The following EXOSC10 variants were observed in gnomAD, a reference collection of about 807,000 sequenced individuals.
The protein encoded by EXOSC10 is exosome complex component 10.
A neutral mutation model predicts 126.6 loss-of-function variants in EXOSC10; 94 were observed. The observed-to-expected ratio is 0.74, with a 90% CI of 0.63 to 0.88. The LOEUF (loss-of-function observed/expected upper bound fraction) is 0.88, where lower values mean the gene tolerates loss of function less well. Among genes scored for constraint, EXOSC10 ranks in the 40% least tolerant of loss-of-function variants. The pLI is 0.00. For synonymous variants in EXOSC10, 395 were observed against 400.8 expected (o/e 0.99, Z 0.17); for missense variants, 1,041 against 1,100.5 (o/e 0.95, Z 0.77).
At chr1:11,077,742 A>G in intron 14 of EXOSC10, 91 bp from the exon 15 acceptor site, 2 of 1,123,468 alleles carry the variant, frequency 1.8e-6, no homozygotes, top group Non-Finnish European at 2.6e-6. Context: ...TTCCTTCACC[A>G]GCCTGTTTCT....
Position 11,076,934 on chromosome 1 carries a change from G to A in EXOSC10, c.1894C>T (p.Gln632Ter). 1 of 1,613,550 alleles carries A rather than the reference G, an allele frequency of 6.2e-7. No homozygotes were observed. Among genetic ancestry groups the A allele is most frequent in the Non-Finnish European group, 8.5e-7 (1 of 1,179,766 alleles). Residue 632 changes from glutamine (Q) to a stop codon, truncating the protein, a stop_gained, in exon 17 of 25, where the codon CAG becomes TAG. Coordinates refer to ENST00000376936, the MANE Select transcript of EXOSC10 (RefSeq NM_001001998.3). LOFTEE classifies it high-confidence loss of function. The stretch of plus-strand genomic sequence containing the variant: ...TCAGGGAAGAGGCTCGCCTGCTTCT[G>A]AACTGGCACAGATCCTAGAGGAGCA... ...IIPTSGSVPV[Q>*]KQASLFPDEK...
intron 24 of EXOSC10, 46 bp from the exon 25 acceptor site, chr1:11,066,794 G>A (rs760950584): frequency 6.3e-7 from 1 of 1,598,626 alleles, no homozygotes; most frequent in South Asian, 1.1e-5. Flanking sequence ...GGGCTGGTTG[G>A]ATGTTCTCAG....
At chr1:11,096,960 T>A (rs1570866939) in intron 2 of EXOSC10, among the ~76,000 whole-genome samples, 1 of 151,818 alleles carries the variant, frequency 6.6e-6, no homozygotes, top group Non-Finnish European at 1.5e-5. Context: ...ATACCTGTAA[T>A]CCCAACACTA....
intron 9 of EXOSC10, among the ~76,000 whole-genome samples, chr1:11,083,773 C>T (rs1227559134): frequency 6.6e-6 from 1 of 152,092 alleles, no homozygotes; most frequent in Non-Finnish European, 1.5e-5. Flanking sequence ...GCTATCCCTC[C>T]CCCCTTTCCC....
intron 17 of EXOSC10, among the ~76,000 whole-genome samples, chr1:11,074,842 T>A (rs534181893): frequency 6.6e-6 from 1 of 152,310 alleles, no homozygotes; most frequent in South Asian, 2.1e-4. Flanking sequence ...CAGTGAATTC[T>A]CAGCATGTCC....
At chr1:11,074,427 T>C (rs1639699908) in intron 17 of EXOSC10, 101 bp from the exon 18 acceptor site, 2 of 807,750 alleles carry the variant, frequency 2.5e-6, no homozygotes, top group African/African-American at 1.7e-5. Flanking sequence ...TTTTTTTTTT[T>C]CTGGAGACAG....
At chr1:11,097,125 G>A (rs1217108288) in intron 2 of EXOSC10, among the ~76,000 whole-genome samples, 2 of 151,816 alleles carry the variant, frequency 1.3e-5, no homozygotes, top group Non-Finnish European at 2.9e-5. Flanking sequence ...CACAAGAATC[G>A]CTTGATCTTG....
At chr1:11,094,432 T>G (rs1383785846) in intron 3 of EXOSC10, among the ~76,000 whole-genome samples, 1 of 150,996 alleles carries the variant, frequency 6.6e-6, no homozygotes, top group Non-Finnish European at 1.5e-5. Context: ...GTAGCTGGGA[T>G]TACAAGTGCC....
intron 1 of EXOSC10, 34 bp downstream of exon 1, chr1:11,099,687 G>T: frequency 6.4e-7 from 1 of 1,559,994 alleles, no homozygotes; most frequent in South Asian, 1.2e-5. Context: ...GGCCGCGGGC[G>T]ACTCCTGGTA....
rs773103952 is a variant in EXOSC10 at position 11,082,912 on chromosome 1, G to A, written c.1090-34C>T. 1.0e-5 allele frequency: 16 copies of A among 1,541,184 alleles called. No individual in the cohort carries two copies. The South Asian group carries it at 1.8e-4, about 17-fold the overall frequency. Reference sequence around the variant, plus strand: ...AGAACCAAAGTCATGCAGTACACTGGTAGCAGGCCACTCATGCTCAGAAAT... The same window carrying A: ...AGAACCAAAGTCATGCAGTACACTGATAGCAGGCCACTCATGCTCAGAAAT... On this transcript the variant is annotated intron_variant, in intron 9 of 24. Transcript: ENST00000376936.
chr1:11,091,859 T>C (rs367716539), intron 3 of EXOSC10, among the ~76,000 whole-genome samples: 2 of 151,956 alleles, frequency 1.3e-5, no homozygotes, highest in East Asian at 3.9e-4. Flanking sequence ...CCTGGCTAAT[T>C]TTTTATTTTT....
chr1:11,093,842 G>C (rs1553168069), intron 3 of EXOSC10, among the ~76,000 whole-genome samples: 1 of 152,076 alleles, frequency 6.6e-6, no homozygotes, highest in Non-Finnish European at 1.5e-5. Context: ...GAGGTGGGGG[G>C]GGATTGTTTG....
chr1:11,078,223 C>T (rs1304572997), intron 14 of EXOSC10, among the ~76,000 whole-genome samples: 1 of 151,560 alleles, frequency 6.6e-6, no homozygotes, highest in Non-Finnish European at 1.5e-5. Context: ...CATGATTGCA[C>T]CACTGCACTC....
intron 7 of EXOSC10, 97 bp downstream of exon 7, chr1:11,088,026 G>C: frequency 7.8e-7 from 1 of 1,279,752 alleles, no homozygotes; most frequent in South Asian, 1.3e-5. Flanking sequence ...CTCCCTTAAA[G>C]ATCTTCAAGG....
At chr1:11,068,765 A>G in intron 22 of EXOSC10, 59 bp from the exon 23 acceptor site, 2 of 1,373,560 alleles carry the variant, frequency 1.5e-6, no homozygotes, top group Admixed American at 1.7e-5. Context: ...CACACATCAC[A>G]GGCTCACAGC....
At chr1:11,075,850 T>C (rs1342247441) in intron 17 of EXOSC10, among the ~76,000 whole-genome samples, 3 of 18,086 alleles carry the variant, frequency 1.7e-4, no homozygotes, top group African/African-American at 7.6e-4. Flanking sequence ...TGAGATCCTG[T>C]CACAAAAAAA....
At chr1:11,092,276 G>C (rs891051765) in intron 3 of EXOSC10, among the ~76,000 whole-genome samples, 7 of 151,902 alleles carry the variant, frequency 4.6e-5, no homozygotes, top group African/African-American at 1.5e-4. Context: ...AAGTGTAATG[G>C]CGTGATCTCA....
intron 10 of EXOSC10, 98 bp from the exon 11 acceptor site, chr1:11,081,336 A>G (rs1172886143): frequency 7.5e-7 from 1 of 1,331,942 alleles, no homozygotes; most frequent in Non-Finnish European, 1.0e-6. Context: ...GACCCTTCCA[A>G]TATGAAAGAT....
chr1:11,098,800 G>A (rs1241158358), intron 1 of EXOSC10, among the ~76,000 whole-genome samples: 2 of 152,112 alleles, frequency 1.3e-5, no homozygotes, highest in Non-Finnish European at 2.9e-5. Flanking sequence ...CTGTTGTGAG[G>A]TAACGAAAAA....
Sources: allele counts gnomAD v4.1 joint callset (sites outside exome capture counted in the v4.1 genomes callset), GRCh38; gene constraint gnomAD v4.1.1; transcripts MANE v1.5; gene names NCBI Gene and HGNC (gene_info 2026-07-23, HGNC 2026-07-21).